Variants in SYNE1 observed in about 807,000 individuals in gnomAD.
SYNE1 encodes the protein nesprin-1.
A neutral mutation model predicts 1,111.0 loss-of-function variants in SYNE1; 616 were observed. That is an observed-to-expected ratio of 0.55 (90% confidence interval 0.52 to 0.59). The LOEUF is 0.59. SYNE1 is among the 20% of genes least tolerant of loss of function. SYNE1 has a pLI of 0.00. For missense variants in SYNE1, 10,006 were observed against 10,417.0 expected, an observed-to-expected ratio of 0.96 and a Z score of 1.72; for synonymous variants, 3,855 against 3,825.8, an observed-to-expected ratio of 1.01 and a Z score of -0.28.
chr6:152,395,593 C>T lies in SYNE1; in HGVS notation c.7635G>A (p.Glu2545=). Reference sequence around the variant, plus strand: ...TCTTCTCAGGAATGTGCTGTTTACTCTCTCCCAAGTTTTCCGTATTGAACC... The same window carrying T: ...TCTTCTCAGGAATGTGCTGTTTACTTTCTCCCAAGTTTTCCGTATTGAACC... The part of the protein sequence containing the change: ...EERFNTENLG[E]SKQHIPEKKN... The change falls in exon 51 of 146, where the codon GAG becomes GAA. Residue 2545 remains glutamate (E), a synonymous_variant. Coordinates refer to ENST00000367255, the MANE Select transcript of SYNE1 (RefSeq NM_182961.4). 6.2e-7 allele frequency: 1 copy of T among 1,614,178 alleles called. No homozygotes were observed. The highest frequency in any genetic ancestry group is 2.2e-5 in the East Asian group (1 of 44,876).
Position 152,318,899 on chromosome 6 carries a change from C to A in SYNE1, c.16353G>T (p.Lys5451Asn). 1 of 1,614,184 alleles carries A rather than the reference C, an allele frequency of 6.2e-7. No homozygotes were observed. Among genetic ancestry groups the A allele is most frequent in the Non-Finnish European group, 8.5e-7 (1 of 1,180,028 alleles). ...TTTTAGCTTGAACTACATTATCTGT[C>A]TTCGCTTTCAGCTTAGTTAGAATAG... is the stretch of plus-strand genomic sequence containing the variant. ...LTTILTKLKA[K>N]TDNVVQAKTD... Residue 5451 changes from lysine (K) to asparagine (N), a missense_variant, in exon 85 of 146, where the codon AAG (lysine) becomes AAT (asparagine). By Grantham distance (94) the Lys-to-Asn change is moderately conservative. Transcript: ENST00000367255.
chr6:152,447,404 C>T lies in SYNE1; in HGVS notation c.3669+54G>A, dbSNP rs2098602245. ...AAACTACAACCAGAAGAAAAAGAAC[C>T]TTCCAGATGCCTCACTCAGAACTGT... On this transcript the variant is annotated intron_variant, in intron 29 of 145. Transcript: ENST00000367255. 18 of 1,595,902 alleles carry T rather than the reference C, an allele frequency of 1.1e-5. No homozygotes were observed. In the South Asian group the frequency reaches 2.0e-4, roughly 18 times the overall value.
rs35952199 is a variant in SYNE1 at position 152,596,270 on chromosome 6, G to GT, written c.67+31994dup. Among the ~76,000 whole-genome samples, 322 of 89,130 alleles carry GT rather than the reference G, an allele frequency of 3.6e-3. 3 individuals carry two copies. The highest frequency in any genetic ancestry group is 5.6e-3 in the African/African-American group (141 of 25,118). The allele number at this position is 89,130 out of a possible 152,430, so 58.5% of individuals were successfully genotyped here. On this transcript the variant is annotated intron_variant, in intron 3 of 145. Coordinates refer to ENST00000367255, the MANE Select transcript of SYNE1 (RefSeq NM_182961.4). ...TATGATTACAGTTTTTTGTTTGTTTGTTTTTTTTTTTTTTTGAGATGACGT... is the reference window on the plus strand; with the variant it reads ...TATGATTACAGTTTTTTGTTTGTTTGTTTTTTTTTTTTTTTTGAGATGACGT...
At chr6:152,140,249 T>G in intron 139 of SYNE1, 88 bp from the exon 140 acceptor site, 1 of 1,329,748 alleles carries the variant, frequency 7.5e-7, no homozygotes, top group Non-Finnish European at 1.1e-6. Context: ...GCAGCCAATT[T>G]TAAATAGCAA....
At chr6:152,380,200 T>C (rs561033953) in intron 56 of SYNE1, among the ~76,000 whole-genome samples, 59 of 152,374 alleles carry the variant, frequency 3.9e-4, no homozygotes, top group African/African-American at 1.4e-3. Context: ...AAATACTACA[T>C]GACTTTCTTA....
intron 116 of SYNE1, among the ~76,000 whole-genome samples, chr6:152,224,989 T>A (rs1470172615): frequency 1.4e-5 from 2 of 146,086 alleles, no homozygotes; most frequent in African/African-American, 5.1e-5. Flanking sequence ...GTATATATAT[T>A]TTTAAGTTAT....
At chr6:152,289,508 A>G (rs2094479398) in intron 95 of SYNE1, among the ~76,000 whole-genome samples, 1 of 152,218 alleles carries the variant, frequency 6.6e-6, no homozygotes, top group South Asian at 2.1e-4. Context: ...CTGCTGTCTC[A>G]GCCTCCTGAG....
chr6:152,585,087 G>A (rs944826256), intron 3 of SYNE1, among the ~76,000 whole-genome samples: 43 of 152,142 alleles, frequency 2.8e-4, no homozygotes, highest in Admixed American at 2.4e-3. Flanking sequence ...TGCTAATAGT[G>A]AGTGAGTTCT....
intron 28 of SYNE1, among the ~76,000 whole-genome samples, chr6:152,448,832 T>G (rs1006726845): frequency 6.8e-6 from 1 of 146,326 alleles, no homozygotes; most frequent in African/African-American, 2.5e-5. Context: ...GACAGAGACC[T>G]TGTCTCAAAA....
At chr6:152,276,183 C>G (rs908012215) in intron 98 of SYNE1, among the ~76,000 whole-genome samples, 1 of 151,626 alleles carries the variant, frequency 6.6e-6, no homozygotes, top group Admixed American at 6.6e-5. Context: ...TACAGGCATG[C>G]CCCACCACAC....
intron 31 of SYNE1, 91 bp from the exon 32 acceptor site, chr6:152,441,361 C>G: frequency 7.3e-7 from 1 of 1,369,842 alleles, no homozygotes; most frequent in Non-Finnish European, 1.0e-6. Flanking sequence ...CAACTTTCAG[C>G]GAATTCTCAT....
intron 137 of SYNE1, chr6:152,144,626 C>T (rs1240399855): frequency 1.3e-5 from 2 of 152,160 alleles, no homozygotes; most frequent in African/African-American, 4.8e-5. Flanking sequence ...AAAAGGCCTT[C>T]TAGATACACC....
intron 142 of SYNE1, 88 bp downstream of exon 142, chr6:152,135,016 C>G: frequency 6.3e-7 from 1 of 1,576,144 alleles, no homozygotes; most frequent in South Asian, 1.1e-5. Context: ...AAAAAAGAAA[C>G]AACACTTACC....
At chr6:152,310,136 G>A in intron 89 of SYNE1, 119 bp from the exon 90 acceptor site, 3 of 1,228,566 alleles carry the variant, frequency 2.4e-6, no homozygotes, top group East Asian at 2.6e-5. Flanking sequence ...AAAAAAAAAT[G>A]TTTAAAACAG....
Position 152,180,288 on chromosome 6 carries a change from A to G in SYNE1, c.23308T>C (p.Leu7770=). The change falls in exon 129 of 146, where the codon TTA becomes CTA. Residue 7770 remains leucine, a synonymous_variant. Transcript: ENST00000367255. ...QWEELCHQLS[L]RRQQIGERLN... ...CTTTCACCTATTTGCTGCCGCCTTA[A>G]GGAGAGCTGAAAAGTTTAAAATGGG... 1 of 1,614,084 alleles carries G rather than the reference A, an allele frequency of 6.2e-7. No individual in the cohort carries two copies. Among genetic ancestry groups the G allele is most frequent in the Non-Finnish European group, 8.5e-7 (1 of 1,179,986 alleles).
In SYNE1 at chr6:152,301,871, T is replaced by G; in HGVS notation, c.17539A>C (p.Met5847Leu). ...PTPSAHPSVVMMTAGRCHTLL... is the reference protein window; with the variant it reads ...PTPSAHPSVVLMTAGRCHTLL... ...GCGGGGACCCACTGGATCCTTACCA[T>G]GACCACAGAGGGGTGGGCCGAAGGC... Residue 5847 changes from methionine to leucine, a missense_variant and splice_region_variant, in exon 92 of 146, where the codon ATG becomes CTG. Around this residue, in one of 7 missense-constraint regions of SYNE1, gnomAD observed 4,955 missense variants for 5,017.2 expected, o/e 0.99. Transcript: ENST00000367255. The G allele has an allele frequency of 6.2e-7, 1 of 1,610,770 alleles. No homozygotes were observed. The highest frequency in any genetic ancestry group is 8.5e-7 in the Non-Finnish European group (1 of 1,177,532).
chr6:152,508,706 T>C (rs2099070437), intron 8 of SYNE1, among the ~76,000 whole-genome samples: 1 of 152,222 alleles, frequency 6.6e-6, no homozygotes, highest in African/African-American at 2.4e-5. Context: ...AATGCCACTG[T>C]GGATGCAATT....
intron 14 of SYNE1, among the ~76,000 whole-genome samples, chr6:152,473,970 G>A (rs2098821132): frequency 6.6e-6 from 1 of 152,112 alleles, no homozygotes; most frequent in Non-Finnish European, 1.5e-5. Context: ...TGGATCACGA[G>A]GTCAGGAGTT....
intron 117 of SYNE1, among the ~76,000 whole-genome samples, chr6:152,224,103 T>C (rs1297865156): frequency 6.6e-6 from 1 of 152,240 alleles, no homozygotes; most frequent in Non-Finnish European, 1.5e-5. Context: ...TTACCACTTT[T>C]GCCGTTTTTC....
Sources: gnomAD v4.1 joint callset for allele counts (sites outside exome capture counted in the v4.1 genomes callset) on GRCh38, gnomAD v4.1.1 for gene constraint, gnomAD v4.1.1 regional missense constraint, MANE v1.5 for transcripts, NCBI Gene and HGNC (gene_info 2026-07-23, HGNC 2026-07-21) for gene names.